The following CDH18 variants were observed in gnomAD, a reference collection of about 807,000 sequenced individuals.
CDH18 encodes the protein cadherin-18.
In CDH18, 31 loss-of-function variants were observed where a neutral mutation model predicts 67.9. That is an observed-to-expected ratio of 0.46 (90% confidence interval 0.34 to 0.62). The LOEUF is 0.62. Among genes scored for constraint, CDH18 ranks in the 20% least tolerant of loss-of-function variants. The pLI is 0.01. For synonymous variants in CDH18, 362 were observed against 347.2 expected (o/e 1.04, Z -0.48); for missense variants, 890 against 975.5 (o/e 0.91, Z 1.17).
chr5:20,124,208 G>T (rs1748629861), intron 2 of CDH18, among the ~76,000 whole-genome samples: 1 of 152,146 alleles, frequency 6.6e-6, no homozygotes, highest in South Asian at 2.1e-4. Context: ...TTTTGTTTTG[G>T]GGGAGGGAAC....
At chr5:20,160,082 G>C (rs546363763) in intron 2 of CDH18, among the ~76,000 whole-genome samples, 146 of 152,200 alleles carry the variant, frequency 9.6e-4, no homozygotes, top group South Asian at 2.1e-3. Flanking sequence ...ATTTTTCAAA[G>C]GTAAAATGAT....
intron 1 of CDH18, among the ~76,000 whole-genome samples, chr5:20,274,890 A>T (rs999503047): frequency 6.6e-6 from 1 of 152,112 alleles, no homozygotes; most frequent in Non-Finnish European, 1.5e-5. Context: ...TTGCATTGTG[A>T]TGGCCTGAGA....
chr5:19,591,402 T>C (rs1231215073), intron 6 of CDH18, among the ~76,000 whole-genome samples, 158 bp from the exon 7 acceptor site: 1 of 152,162 alleles, frequency 6.6e-6, no homozygotes, highest in Non-Finnish European at 1.5e-5. Flanking sequence ...TATTTTGTAA[T>C]TAAATACTAG....
At chr5:20,036,875 CTTT>C (rs950188365) in intron 2 of CDH18, among the ~76,000 whole-genome samples, 3 of 151,998 alleles carry the variant, frequency 2.0e-5, no homozygotes, top group African/African-American at 7.2e-5. Flanking sequence ...TAATGCCCTT[CTTT>C]GTCTTTTTTG....
intron 5 of CDH18, among the ~76,000 whole-genome samples, chr5:19,714,722 G>A (rs2150547580): frequency 7.4e-6 from 1 of 135,900 alleles, no homozygotes; most frequent in East Asian, 2.1e-4. Flanking sequence ...GGGACATACA[G>A]CAGGTCCTCA....
chr5:20,017,128 T>A (rs1455272317), intron 2 of CDH18, among the ~76,000 whole-genome samples: 1 of 152,192 alleles, frequency 6.6e-6, no homozygotes, highest in Non-Finnish European at 1.5e-5. Flanking sequence ...CAAATACATT[T>A]TCAGTTAGTA....
chr5:20,356,361 C>T (rs1054557762), intron 1 of CDH18, among the ~76,000 whole-genome samples: 7 of 151,942 alleles, frequency 4.6e-5, no homozygotes, highest in African/African-American at 1.2e-4. Context: ...CCAGCCTGGG[C>T]GAAAGAGCAA....
At chr5:19,663,496 G>A (rs1757476858) in intron 5 of CDH18, among the ~76,000 whole-genome samples, 1 of 151,842 alleles carries the variant, frequency 6.6e-6, no homozygotes, top group African/African-American at 2.4e-5. Context: ...AGACCTGAAG[G>A]CAATTTTAAG....
At chr5:20,049,848 G>A (rs1741254696) in intron 2 of CDH18, among the ~76,000 whole-genome samples, 2 of 151,606 alleles carry the variant, frequency 1.3e-5, no homozygotes, top group African/African-American at 4.8e-5. Context: ...CAGGAAGCCA[G>A]AATGAGTAAC....
intron 2 of CDH18, among the ~76,000 whole-genome samples, chr5:19,965,556 A>T (rs180755923): frequency 6.6e-6 from 1 of 152,244 alleles, no homozygotes; most frequent in Non-Finnish European, 1.5e-5. Context: ...ATTATATGTT[A>T]GCAAAATATC....
At chr5:20,137,385 G>A (rs530925921) in intron 2 of CDH18, among the ~76,000 whole-genome samples, 2 of 152,140 alleles carry the variant, frequency 1.3e-5, no homozygotes, top group African/African-American at 4.8e-5. Flanking sequence ...GGCTACTGAA[G>A]CTTGTGCATG....
At chr5:20,561,491 G>A (rs1474537761) in intron 1 of CDH18, among the ~76,000 whole-genome samples, 1 of 151,982 alleles carries the variant, frequency 6.6e-6, no homozygotes, top group African/African-American at 2.4e-5. Flanking sequence ...CTAAGTGAAA[G>A]AAACCAATCT....
At chr5:20,211,935 C>T (rs556236515) in intron 2 of CDH18, among the ~76,000 whole-genome samples, 4 of 152,226 alleles carry the variant, frequency 2.6e-5, no homozygotes, top group Admixed American at 6.5e-5. Context: ...ATGACTTTGA[C>T]GAGTTGACAA....
chr5:19,721,271 T>C (rs540039418), intron 5 of CDH18, 76 bp downstream of exon 5: 27 of 1,352,082 alleles, frequency 2.0e-5, no homozygotes, highest in African/African-American at 1.9e-4. Context: ...GAAAAGAGCA[T>C]ATGGAAATAA....
chr5:19,547,607 A>G (rs1736563546), intron 8 of CDH18, among the ~76,000 whole-genome samples: 1 of 152,196 alleles, frequency 6.6e-6, no homozygotes, highest in South Asian at 2.1e-4. Flanking sequence ...ATAAGTGCTA[A>G]TATCAGTGGC....
At chr5:19,936,342 G>A (rs1249535657) in intron 2 of CDH18, among the ~76,000 whole-genome samples, 1 of 151,204 alleles carries the variant, frequency 6.6e-6, no homozygotes, top group Non-Finnish European at 1.5e-5. Context: ...AATTATAAAT[G>A]ATGTTTGTTT....
intron 1 of CDH18, among the ~76,000 whole-genome samples, chr5:20,467,366 T>C (rs1751709932): frequency 6.6e-6 from 1 of 152,130 alleles, no homozygotes; most frequent in South Asian, 2.1e-4. Context: ...CCAAATGTGC[T>C]TCCTTCACTT....
At chr5:19,797,520 C>T (rs1414778116) in intron 3 of CDH18, among the ~76,000 whole-genome samples, 1 of 151,922 alleles carries the variant, frequency 6.6e-6, no homozygotes, top group Non-Finnish European at 1.5e-5. Context: ...GATAGAAGAT[C>T]ATCAAACACA....
chr5:20,291,909 T>C (rs1485969844), intron 1 of CDH18, among the ~76,000 whole-genome samples: 1 of 152,174 alleles, frequency 6.6e-6, no homozygotes. Flanking sequence ...CTGGCTTTTG[T>C]GGTCTTAATG....
Sources: gnomAD v4.1 joint callset for allele counts (sites outside exome capture counted in the v4.1 genomes callset) on GRCh38, gnomAD v4.1.1 for gene constraint, MANE v1.5 for transcripts, NCBI Gene and HGNC (gene_info 2026-07-23, HGNC 2026-07-21) for gene names.